GREB1L: variants seen among roughly 807,000 people sequenced by gnomAD.
The protein encoded by GREB1L is GREB1 like retinoic acid receptor coactivator, also known as GREB1-like protein.
A neutral mutation model predicts 200.8 loss-of-function variants in GREB1L; 17 were observed. The observed-to-expected ratio is 0.08, with a 90% CI of 0.06 to 0.13. The LOEUF (loss-of-function observed/expected upper bound fraction) is 0.13. GREB1L is among the 10% of genes least tolerant of loss of function. GREB1L has a pLI of 1.00. For synonymous variants in GREB1L, 789 were observed against 893.0 expected, an observed-to-expected ratio of 0.88 and a Z score of 2.08; for missense variants, 1,657 against 2,367.7, an observed-to-expected ratio of 0.70 and a Z score of 6.23.
chr18:21,445,351 G>A (rs562968735), intron 11 of GREB1L, among the ~76,000 whole-genome samples: 139 of 152,268 alleles, frequency 9.1e-4, no homozygotes, highest in African/African-American at 3.3e-3. Flanking sequence ...GCGCATGCCT[G>A]TAATCCCAGC....
At position 21,401,511 on chromosome 18, in the gene GREB1L, A is replaced by G. The variant is rs371508467; in HGVS notation, c.709+185A>G. On this transcript the variant is annotated intron_variant, in intron 6 of 32. Transcript: ENST00000424526. ...CCCCTTACTAATTTTAACAGAGACA[A>G]TTCAAGTTTAGGAAAGTGAATGTCT... Among the ~76,000 whole-genome samples, 3 of 152,270 alleles carry G rather than the reference A, an allele frequency of 2.0e-5. No homozygotes were observed. The East Asian group carries it at 5.8e-4, about 29-fold the overall frequency.
chr18:21,384,362 A>G lies in GREB1L; in HGVS notation c.314A>G (p.Tyr105Cys), dbSNP rs746481154. 15 of 1,551,860 alleles carry G rather than the reference A, an allele frequency of 9.7e-6. No individual in the cohort carries two copies. The highest frequency in any genetic ancestry group is 1.3e-5 in the Non-Finnish European group (15 of 1,147,026). Residue 105 changes from tyrosine to cysteine, a missense_variant, in exon 4 of 33, where the codon TAT becomes TGT. Tyr to Cys is a radical substitution (Grantham distance 194). Transcript: ENST00000424526. ...MSDSNSPPIP[Y>C]SQKPAPEGSC... ...GATTCAAACAGCCCACCAATTCCCT[A>G]TTCACAAAAACCTGCCCCAGAAGGA...
chr18:21,376,181 G>A (rs1428249218), intron 2 of GREB1L, among the ~76,000 whole-genome samples: 1 of 151,858 alleles, frequency 6.6e-6, no homozygotes, highest in African/African-American at 2.4e-5. Context: ...GTGCAATGGC[G>A]TGATCTCGGC....
chr18:21,449,459 C>T (rs550804348), intron 11 of GREB1L, 51 bp from the exon 12 acceptor site: 46 of 1,125,654 alleles, frequency 4.1e-5, no homozygotes, highest in Non-Finnish European at 5.4e-5. Context: ...GTGTGTGTGT[C>T]TCTCCTCCCT....
At chr18:21,246,539 A>G (rs2037606081) in intron 1 of GREB1L, among the ~76,000 whole-genome samples, 5 of 152,138 alleles carry the variant, frequency 3.3e-5, no homozygotes, top group Admixed American at 3.3e-4. Context: ...CCATATTGCT[A>G]TAGTTTTCCA....
chr18:21,444,770 C>G (rs913600763), intron 11 of GREB1L, among the ~76,000 whole-genome samples: 5 of 152,226 alleles, frequency 3.3e-5, no homozygotes, highest in African/African-American at 9.6e-5. Flanking sequence ...GAAAGTGCAC[C>G]TACCATCTGG....
At chr18:21,268,588 T>TATAC (rs1567914950) in intron 1 of GREB1L, among the ~76,000 whole-genome samples, 1 of 134,750 alleles carries the variant, frequency 7.4e-6, no homozygotes, top group East Asian at 2.1e-4. Context: ...TATATATATA[T>TATAC]ATATACATGT....
At chr18:21,440,439 A>G in intron 9 of GREB1L, 51 bp downstream of exon 9, 1 of 1,490,668 alleles carries the variant, frequency 6.7e-7, no homozygotes, top group South Asian at 1.2e-5. Flanking sequence ...ATTAGCAGAG[A>G]TATCTTCTAC....
chr18:21,508,647 T>G, intron 27 of GREB1L, 56 bp downstream of exon 27: 1 of 1,416,310 alleles, frequency 7.1e-7, no homozygotes, highest in Non-Finnish European at 9.6e-7. Context: ...TGAGCTCCAT[T>G]CCCCTGGCAT....
intron 4 of GREB1L, among the ~76,000 whole-genome samples, chr18:21,386,074 T>G (rs1413491303): frequency 6.6e-6 from 1 of 152,202 alleles, no homozygotes; most frequent in East Asian, 1.9e-4. Flanking sequence ...AATATCATTT[T>G]AAAGATAAAG....
rs188098834 is a variant in GREB1L, at chr18:21,297,630, G to A, written c.-120+55237G>A. On this transcript the variant is annotated intron_variant, in intron 1 of 32. Coordinates refer to ENST00000424526, the MANE Select transcript of GREB1L (RefSeq NM_001142966.3). ...TTGCAATAATTCACACACAAGGTGA[G>A]AGAAGCCACAACTAAGGAGCATGGT... Among the ~76,000 whole-genome samples the A allele has an allele frequency of 4.3e-3, 658 of 152,308 alleles. 2 individuals are homozygous for A. The highest frequency in any genetic ancestry group is 6.7e-3 in the Non-Finnish European group (456 of 68,012).
In GREB1L at chr18:21,508,529, G is replaced by T. The variant is rs1435669398; in HGVS notation, c.4673G>T (p.Arg1558Leu). 3 of 1,551,676 alleles carry T rather than the reference G, an allele frequency of 1.9e-6. No homozygotes were observed. The highest frequency in any genetic ancestry group is 1.4e-5 in the African/African-American group (1 of 73,090). The change falls in exon 27 of 33, where the codon CGC becomes CTC. Residue 1558 changes from arginine to leucine, a missense_variant. Coordinates refer to ENST00000424526, the MANE Select transcript of GREB1L (RefSeq NM_001142966.3). ...VVKEYEMPLY[R>L]KYWPNHIMLV... is the part of the protein sequence containing the mutation. Reference sequence around the variant, plus strand: ...AAAGAGTATGAGATGCCTCTGTACCGCAAGTACTGGCCCAACCACATCATG... The same window carrying T: ...AAAGAGTATGAGATGCCTCTGTACCTCAAGTACTGGCCCAACCACATCATG...
At chr18:21,246,278 A>G (rs1162467709) in intron 1 of GREB1L, among the ~76,000 whole-genome samples, 1 of 152,206 alleles carries the variant, frequency 6.6e-6, no homozygotes, top group African/African-American at 2.4e-5. Context: ...AGTTAAGATA[A>G]AAAGCAATAA....
rs531785822 is a variant in GREB1L, at chr18:21,412,773, C to T, written c.832+8779C>T. ...TATTTGCCTGTGGTTATTCCTTAAGCTATAAATGTTTTGTGCACTCTTCTG... is the reference window on the plus strand; with the variant it reads ...TATTTGCCTGTGGTTATTCCTTAAGTTATAAATGTTTTGTGCACTCTTCTG... On this transcript the variant is annotated intron_variant, in intron 7 of 32. Transcript: ENST00000424526. Among the ~76,000 whole-genome samples the T allele has an allele frequency of 1.5e-3, 232 of 152,046 alleles. 2 individuals carry two copies. The highest frequency in any genetic ancestry group is 5.4e-3 in the African/African-American group (223 of 41,468).
At chr18:21,505,671 T>A (rs1361376565) in intron 24 of GREB1L, 104 bp downstream of exon 24, 11 of 1,423,812 alleles carry the variant, frequency 7.7e-6, no homozygotes, top group Non-Finnish European at 1.0e-5. Flanking sequence ...CATCATTTTT[T>A]AAATTTTCAT....
At chr18:21,427,267 GC>G (rs2032689482) in intron 7 of GREB1L, among the ~76,000 whole-genome samples, 1 of 152,078 alleles carries the variant, frequency 6.6e-6, no homozygotes, top group Non-Finnish European at 1.5e-5. Context: ...ACTTTGGGAG[GC>G]TGAGGCAGGC....
In GREB1L at chr18:21,366,336, T is replaced by C. The variant is rs552183456; in HGVS notation, c.-10+200T>C. 4.3e-4 allele frequency among the ~76,000 whole-genome samples: 66 copies of C among 152,036 alleles called. No individual in the cohort carries two copies. The South Asian group carries it at 0.013, about 31-fold the overall frequency. ...ATACCAGAAAGCTTCTGCAGAGTTC[T>C]TTCTCTACAACAACCCCTGTATTTC... On this transcript the variant is annotated intron_variant, in intron 2 of 32. Coordinates refer to ENST00000424526, the MANE Select transcript of GREB1L (RefSeq NM_001142966.3).
At chr18:21,456,408 T>C (rs1396141639) in intron 15 of GREB1L, among the ~76,000 whole-genome samples, 5 of 152,216 alleles carry the variant, frequency 3.3e-5, no homozygotes, top group Admixed American at 6.5e-5. Context: ...TATTACACAT[T>C]CCATGCGTGT....
chr18:21,454,353 C>T lies in GREB1L; in HGVS notation c.1985-13C>T, dbSNP rs769691835. ...AATTAACCTTGTTCTTATGACTTCTCTTTAAATTTTAGATTTAGATAATGA... is the reference window on the plus strand; with the variant it reads ...AATTAACCTTGTTCTTATGACTTCTTTTTAAATTTTAGATTTAGATAATGA... On this transcript the variant is annotated splice_polypyrimidine_tract_variant and intron_variant, in intron 14 of 32. Transcript: ENST00000424526. 10 of 1,538,072 alleles carry T rather than the reference C, an allele frequency of 6.5e-6. No homozygotes were observed. The South Asian group carries it at 7.2e-5, about 11-fold the overall frequency.
Sources: gnomAD v4.1 joint callset for allele counts (sites outside exome capture counted in the v4.1 genomes callset) on GRCh38, gnomAD v4.1.1 for gene constraint, MANE v1.5 for transcripts, NCBI Gene and HGNC (gene_info 2026-07-23, HGNC 2026-07-21) for gene names.